VPS41: variants seen among roughly 807,000 people sequenced by gnomAD.
VPS41 encodes the protein VPS41 subunit of HOPS complex.
VPS41 carries 85 observed loss-of-function variants against 130.9 expected under a neutral mutation model. The observed-to-expected ratio is 0.65, with a 90% CI of 0.55 to 0.78. The LOEUF is 0.78. Ranked by LOEUF, VPS41 falls within the 30% of genes least tolerant of loss-of-function variation. The pLI, the probability that VPS41 is intolerant of heterozygous loss-of-function variation, is 0.00. For synonymous variants in VPS41, 335 were observed against 332.9 expected, an observed-to-expected ratio of 1.01 and a Z score of -0.07; for missense variants, 874 against 1,018.7, an observed-to-expected ratio of 0.86 and a Z score of 1.93.
chr7:38,744,502 G>C (rs1359404657), intron 23 of VPS41, among the ~76,000 whole-genome samples: 1 of 152,092 alleles, frequency 6.6e-6, no homozygotes, highest in Admixed American at 6.5e-5. Flanking sequence ...AAAATGGTTA[G>C]TTATTTAAAA....
chr7:38,774,083 A>T lies in VPS41; in HGVS notation c.1012+32T>A, dbSNP rs557552870. ...AAGGGGGAGAAAAAAACATTAAAAA[A>T]GCATATCAGCCAGATCTTTCATATC... On this transcript the variant is annotated intron_variant, in intron 12 of 28. Transcript: ENST00000310301. 4.7e-4 allele frequency: 731 copies of T among 1,549,102 alleles called. 1 individual carries two copies. In the African/African-American group the frequency reaches 9.0e-3, roughly 19 times the overall value.
intron 4 of VPS41, among the ~76,000 whole-genome samples, chr7:38,854,112 GAC>G (rs112617806): frequency 1.3e-5 from 2 of 152,218 alleles, no homozygotes; most frequent in African/African-American, 4.8e-5. Flanking sequence ...CAATTCCTTT[GAC>G]ACATCTCTTA....
In VPS41 at chr7:38,726,408, T is replaced by C. The variant is rs965066506; in HGVS notation, c.2485-82A>G. On this transcript the variant is annotated intron_variant, in intron 28 of 28. Coordinates refer to ENST00000310301, the MANE Select transcript of VPS41 (RefSeq NM_014396.4). ...ATATTCAGAAACACTAAGGTAGCGTTAGTCAGGGGGTGGAGAGGAAGTAAT... is the reference window on the plus strand; with the variant it reads ...ATATTCAGAAACACTAAGGTAGCGTCAGTCAGGGGGTGGAGAGGAAGTAAT... 1.0e-5 allele frequency: 11 copies of C among 1,081,774 alleles called. No homozygotes were observed. The Admixed American group carries it at 1.5e-4, about 15-fold the overall frequency. 67.0% of individuals were successfully genotyped at this position (1,081,774 alleles called of 1,614,324 possible). A position where few individuals can be genotyped will look rare whatever the true frequency, so the allele number is the denominator to read the frequency against.
intron 18 of VPS41, among the ~76,000 whole-genome samples, chr7:38,757,303 A>G (rs1783816346): frequency 6.6e-6 from 1 of 152,180 alleles, no homozygotes; most frequent in African/African-American, 2.4e-5. Context: ...AGGATCCAGG[A>G]TGAAGTTCTC....
intron 25 of VPS41, among the ~76,000 whole-genome samples, chr7:38,735,739 G>A (rs187818518): frequency 1.3e-5 from 2 of 152,302 alleles, no homozygotes; most frequent in Admixed American, 1.3e-4. Flanking sequence ...GAATAAATGT[G>A]TTTATAAGTC....
intron 7 of VPS41, among the ~76,000 whole-genome samples, chr7:38,797,498 C>T (rs1311760466): frequency 2.0e-5 from 3 of 152,030 alleles, no homozygotes; most frequent in Non-Finnish European, 4.4e-5. Flanking sequence ...AAAACCTCTA[C>T]GATTAATAAA....
chr7:38,827,118 A>G (rs1298365857), intron 5 of VPS41, among the ~76,000 whole-genome samples: 1 of 152,174 alleles, frequency 6.6e-6, no homozygotes, highest in East Asian at 1.9e-4. Flanking sequence ...GCACTGGCCA[A>G]AAAGTTCTAA....
In VPS41 at chr7:38,808,526, C is replaced by T. The variant is rs116238172; in HGVS notation, c.450+9291G>A. On this transcript the variant is annotated intron_variant, in intron 7 of 28. Coordinates refer to ENST00000310301, the MANE Select transcript of VPS41 (RefSeq NM_014396.4). ...TAAATAAAGGTATGTATTTACAATG[C>T]CTCAACGTGCAACCGTTAGATTGGT... is the stretch of plus-strand genomic sequence containing the variant. Among the ~76,000 whole-genome samples the T allele has an allele frequency of 8.0e-3, 1,214 of 152,208 alleles. 18 individuals carry two copies. The highest frequency in any genetic ancestry group is 0.028 in the African/African-American group (1,161 of 41,514).
At chr7:38,861,612 C>T (rs1455829485) in intron 4 of VPS41, among the ~76,000 whole-genome samples, 8 of 152,174 alleles carry the variant, frequency 5.3e-5, no homozygotes, top group Non-Finnish European at 7.3e-5. Context: ...CTTTCCCATA[C>T]AACGTGTCAG....
chr7:38,764,812 G>A (rs1181544776), intron 16 of VPS41, among the ~76,000 whole-genome samples: 1 of 151,990 alleles, frequency 6.6e-6, no homozygotes, highest in Non-Finnish European at 1.5e-5. Context: ...ATCATCATCA[G>A]CAGTATATAC....
chr7:38,828,793 G>A (rs979298866), intron 5 of VPS41, among the ~76,000 whole-genome samples: 1 of 151,622 alleles, frequency 6.6e-6, no homozygotes, highest in Non-Finnish European at 1.5e-5. Context: ...TGTTTGACAA[G>A]AAGGGTACCA....
intron 7 of VPS41, among the ~76,000 whole-genome samples, chr7:38,816,391 T>C (rs1390581861): frequency 6.6e-6 from 1 of 152,188 alleles, no homozygotes; most frequent in Admixed American, 6.5e-5. Context: ...TTTCCCGCCC[T>C]ATCATTCTAT....
intron 1 of VPS41, among the ~76,000 whole-genome samples, chr7:38,899,603 C>T (rs1483152558): frequency 6.6e-6 from 1 of 152,146 alleles, no homozygotes; most frequent in Non-Finnish European, 1.5e-5. Context: ...TTATAAACTG[C>T]TCATTATGTT....
At chr7:38,758,799 A>G (rs1005409858) in intron 17 of VPS41, among the ~76,000 whole-genome samples, 1 of 152,168 alleles carries the variant, frequency 6.6e-6, no homozygotes, top group Non-Finnish European at 1.5e-5. Flanking sequence ...CCGATCACCA[A>G]TGGCCCAGTG....
rs1257778921 is a variant in VPS41, at chr7:38,726,198, A to C, written c.*48T>G. The C allele has an allele frequency of 7.5e-7, 1 of 1,325,604 alleles. No homozygotes were observed. Among genetic ancestry groups the C allele is most frequent in the African/African-American group, 1.4e-5 (1 of 69,400 alleles). The allele number at this position is 1,325,604 out of a possible 1,614,324, so 82.1% of individuals were successfully genotyped here. ...AACAAATGCTTTTGTTGTTGCAAAA[A>C]CAGTCTCAAAAAGAGTGGTGACAAG... On this transcript the variant is annotated 3_prime_UTR_variant, in exon 29 of 29. Transcript: ENST00000310301.
At chr7:38,755,039 T>C (rs1783761851) in intron 19 of VPS41, 103 bp from the exon 20 acceptor site, 1 of 1,012,872 alleles carries the variant, frequency 9.9e-7, no homozygotes, top group African/African-American at 1.6e-5. Context: ...GTGGAAGGCT[T>C]ATTTTGTATA....
At chr7:38,879,676 G>A (rs1003122062) in intron 2 of VPS41, among the ~76,000 whole-genome samples, 6 of 152,046 alleles carry the variant, frequency 3.9e-5, no homozygotes, top group South Asian at 2.1e-4. Flanking sequence ...CATAAGGAGT[G>A]CAACCTAGAT....
At chr7:38,728,867 G>T in intron 25 of VPS41, 76 bp from the exon 26 acceptor site, 1 of 1,302,506 alleles carries the variant, frequency 7.7e-7, no homozygotes, top group Non-Finnish European at 1.1e-6. Flanking sequence ...CTGTACTGGG[G>T]ATTCCAAAAG....
chr7:38,731,254 G>A (rs1378624898), intron 25 of VPS41, among the ~76,000 whole-genome samples: 1 of 152,196 alleles, frequency 6.6e-6, no homozygotes, highest in Admixed American at 6.5e-5. Context: ...GGTGATAAGT[G>A]AAGGAAGACA....
Sources: allele counts gnomAD v4.1 joint callset (sites outside exome capture counted in the v4.1 genomes callset), GRCh38; gene constraint gnomAD v4.1.1; transcripts MANE v1.5; gene names NCBI Gene and HGNC (gene_info 2026-07-23, HGNC 2026-07-21).